ADGRA2: variants seen among roughly 807,000 people sequenced by gnomAD.
The protein encoded by ADGRA2 is adhesion G protein-coupled receptor A2.
A neutral mutation model predicts 98.7 loss-of-function variants in ADGRA2; 61 were observed. That is an observed-to-expected ratio of 0.62 (90% CI 0.50 to 0.76). ADGRA2 has a LOEUF of 0.76. Among genes scored for constraint, ADGRA2 ranks in the 30% least tolerant of loss-of-function variants. ADGRA2 has a pLI of 0.00. For missense variants in ADGRA2, 1,712 were observed against 1,860.0 expected, an observed-to-expected ratio of 0.92 and a Z score of 1.46; for synonymous variants, 858 against 831.5, an observed-to-expected ratio of 1.03 and a Z score of -0.55.
At chr8:37,820,548 C>T (rs984697902) in intron 2 of ADGRA2, among the ~76,000 whole-genome samples, 1 of 152,260 alleles carries the variant, frequency 6.6e-6, no homozygotes, top group African/African-American at 2.4e-5. Flanking sequence ...TCAGGAAACA[C>T]TGATCCCTCT....
Position 37,841,343 on chromosome 8 carries a change from C to T in ADGRA2, c.3005C>T (p.Thr1002Met), listed in dbSNP as rs1359693648. 6 of 1,605,492 alleles carry T rather than the reference C, an allele frequency of 3.7e-6. No homozygotes were observed. The highest frequency in any genetic ancestry group is 4.5e-5 in the East Asian group (2 of 44,574). Residue 1002 changes from threonine to methionine, a missense_variant, in exon 19 of 19, where the codon ACG becomes ATG. Transcript: ENST00000412232. The surrounding 1 kb of genome is among the most constrained non-coding windows in gnomAD (Gnocchi z 5.0). Reference protein sequence around the residue: ...LLATGSARVGTPGPPEDGDSL... With the variant: ...LLATGSARVGMPGPPEDGDSL... ...GCTACTGGGAGCGCGCGAGTGGGGACGCCCGGGCCCCCGGAGGATGGTGAC... is the reference window on the plus strand; with the variant it reads ...GCTACTGGGAGCGCGCGAGTGGGGATGCCCGGGCCCCCGGAGGATGGTGAC...
intron 2 of ADGRA2, among the ~76,000 whole-genome samples, chr8:37,821,032 T>A (rs778305034): frequency 6.6e-6 from 1 of 151,290 alleles, no homozygotes; most frequent in Admixed American, 6.6e-5. Flanking sequence ...GCCCAGGGAG[T>A]GTACAGAAGA....
Position 37,842,604 on chromosome 8 carries a change from G to A in ADGRA2, c.*249G>A. 3.8e-6 allele frequency: 2 copies of A among 521,128 alleles called. No individual in the cohort carries two copies. The highest frequency in any genetic ancestry group is 6.0e-6 in the Non-Finnish European group (2 of 331,752). 32.3% of individuals were successfully genotyped at this position (521,128 alleles called of 1,614,324 possible). On this transcript the variant is annotated 3_prime_UTR_variant, in exon 19 of 19. Coordinates refer to ENST00000412232, the MANE Select transcript of ADGRA2 (RefSeq NM_032777.10). The stretch of plus-strand genomic sequence containing the variant: ...AGTCTGACTGTCGGTGCCCTCCCAG[G>A]AACGGGGAAGGCCTCCGTCTGTGTG...
rs1563337972 is a variant in ADGRA2, at chr8:37,806,513, C to CTTTTTCT, written c.267-8378_267-8377insCTTTTTT. ...GCATTTTCTTTTTCTTTTTCTTTTTCTTTTTTCTTTTTCTTTTTTTTTTTT... is the reference window on the plus strand; with the variant it reads ...GCATTTTCTTTTTCTTTTTCTTTTTCTTTTTCTTTTTTTCTTTTTCTTTTTTTTTTTT... On this transcript the variant is annotated intron_variant, in intron 1 of 18. Transcript: ENST00000412232. Among the ~76,000 whole-genome samples the CTTTTTCT allele has an allele frequency of 2.7e-4, 28 of 103,226 alleles. 1 individual carries two copies. Among genetic ancestry groups the CTTTTTCT allele is most frequent in the African/African-American group, 1.3e-3 (27 of 20,090 alleles). 67.7% of individuals were successfully genotyped at this position (103,226 alleles called of 152,430 possible).
intron 13 of ADGRA2, among the ~76,000 whole-genome samples, chr8:37,836,915 C>T (rs1805630805): frequency 6.6e-6 from 1 of 152,216 alleles, no homozygotes; most frequent in African/African-American, 2.4e-5. Flanking sequence ...GGGACACTCA[C>T]TGAGTATCTG....
intron 2 of ADGRA2, among the ~76,000 whole-genome samples, chr8:37,827,812 A>G (rs1383160806): frequency 6.7e-6 from 1 of 148,152 alleles, no homozygotes; most frequent in African/African-American, 2.7e-5. Flanking sequence ...TCAGACAGAG[A>G]GGGGCACAGG....
At chr8:37,813,697 C>T (rs1193638364) in intron 1 of ADGRA2, among the ~76,000 whole-genome samples, 1 of 152,152 alleles carries the variant, frequency 6.6e-6, no homozygotes, top group Admixed American at 6.5e-5. Context: ...CTCCACCCCT[C>T]GCCCTAGAAA....
rs760019897 is a variant in ADGRA2 at position 37,841,618 on chromosome 8, G to T, written c.3280G>T (p.Ala1094Ser). The T allele has an allele frequency of 1.1e-5, 17 of 1,542,916 alleles. No homozygotes were observed. The Admixed American group carries it at 1.8e-4, about 16-fold the overall frequency. ...CCCTGCCTCTCCCGCGGCCCCCCAT[G>T]CCCCGCCCCGGGCCCTGCCCGCCGC... ...CPPASPAAPH[A>S]PPRALPAAAE... Residue 1094 changes from alanine (A) to serine (S), a missense_variant, in exon 19 of 19, where the codon GCC becomes TCC. Physicochemically the swap from Ala to Ser is moderately conservative, Grantham distance 99. Transcript: ENST00000412232. The surrounding 1 kb of genome is among the most constrained non-coding windows in gnomAD (Gnocchi z 5.0).
chr8:37,808,691 C>A (rs1048133586), intron 1 of ADGRA2, among the ~76,000 whole-genome samples: 2 of 152,060 alleles, frequency 1.3e-5, no homozygotes. Flanking sequence ...GTGGCTCATC[C>A]CTATAATCCC....
At chr8:37,818,586 T>C (rs1199245732) in intron 2 of ADGRA2, among the ~76,000 whole-genome samples, 1 of 152,238 alleles carries the variant, frequency 6.6e-6, no homozygotes, top group East Asian at 1.9e-4. Context: ...GAGTCCCAGC[T>C]CCTGCTCTGT....
chr8:37,814,122 C>T lies in ADGRA2; in HGVS notation c.267-774C>T, dbSNP rs1285547805. On this transcript the variant is annotated intron_variant, in intron 1 of 18. Transcript: ENST00000412232. This position sits in a 1 kb window ranked among gnomAD's most constrained non-coding sequence, Gnocchi z 4.3. ...AGCCCTTTGGCTGGCCTGGATCTCC[C>T]TCCTCCCAGCAGGGAGCTTGGCAGA... 1.3e-5 allele frequency among the ~76,000 whole-genome samples: 2 copies of T among 152,210 alleles called. No individual in the cohort carries two copies. The highest frequency in any genetic ancestry group is 1.3e-4 in the Admixed American group (2 of 15,280).
rs1329802522 is a variant in ADGRA2 at position 37,830,014 on chromosome 8, G to A, written c.718G>A (p.Glu240Lys). 6 of 1,539,916 alleles carry A rather than the reference G, an allele frequency of 3.9e-6. No individual in the cohort carries two copies. The highest frequency in any genetic ancestry group is 1.4e-5 in the African/African-American group (1 of 73,404). Residue 240 changes from glutamate to lysine, a missense_variant and splice_region_variant, in exon 6 of 19, where the codon GAG becomes AAG. Glu to Lys is a moderately conservative substitution (Grantham distance 56). Transcript: ENST00000412232. This position sits in a 1 kb window ranked among gnomAD's most constrained non-coding sequence, Gnocchi z 4.8. ...CCTCCAGGAGGCCCAGCTCTGCTGCGGTGAGCAAGTCCCCCCAGCTACACA... is the reference window on the plus strand; with the variant it reads ...CCTCCAGGAGGCCCAGCTCTGCTGCAGTGAGCAAGTCCCCCCAGCTACACA... ...GSLQEAQLCC[E>K]GALELHTHHL...
intron 2 of ADGRA2, among the ~76,000 whole-genome samples, chr8:37,816,486 G>A (rs1037285900): frequency 9.6e-5 from 14 of 146,258 alleles, no homozygotes; most frequent in Non-Finnish European, 1.5e-4. Flanking sequence ...CCAGCTACTC[G>A]GGGGCTGAGG....
At chr8:37,829,684 T>G in intron 5 of ADGRA2, 125 bp downstream of exon 5, 1 of 961,022 alleles carries the variant, frequency 1.0e-6, no homozygotes, top group African/African-American at 1.6e-5. Flanking sequence ...GTGCCTGAAA[T>G]GCCCCCATGA....
In ADGRA2 at chr8:37,840,864, C is replaced by G. The variant is rs1392003410; in HGVS notation, c.2747+15C>G. 1 of 1,426,800 alleles carries G rather than the reference C, an allele frequency of 7.0e-7. No homozygotes were observed. The highest frequency in any genetic ancestry group is 1.7e-5 in the Admixed American group (1 of 58,964). 88.4% of individuals were successfully genotyped at this position (1,426,800 alleles called of 1,614,324 possible). On this transcript the variant is annotated intron_variant, in intron 18 of 18. Transcript: ENST00000412232. ...CACAGCCCCTAGTGAGCACCCCTCC[C>G]TCCCGCCCCAAGCCTACCTACCTAA...
chr8:37,826,136 A>G (rs906770866), intron 2 of ADGRA2, among the ~76,000 whole-genome samples: 4 of 151,980 alleles, frequency 2.6e-5, no homozygotes, highest in African/African-American at 9.7e-5. Flanking sequence ...GCGGGGAGGG[A>G]AGGGGGGCTG....
chr8:37,835,883 C>T (rs989672465), intron 13 of ADGRA2, 113 bp downstream of exon 13: 21 of 685,626 alleles, frequency 3.1e-5, no homozygotes, highest in African/African-American at 2.8e-4. Context: ...GTGGAACTGA[C>T]ACAGGATGTT....
In ADGRA2 at chr8:37,841,267, A is replaced by G; in HGVS notation, c.2929A>G (p.Thr977Ala). The part of the protein sequence containing the change: ...LEAGEELRGS[T>A]RLRGSGPLLS... Reference sequence around the variant, plus strand: ...GGCAGGGGAGGAGCTGAGGGGTTCCACCAGGCTCAGGGGCAGCGGCCCCCT... The same window carrying G: ...GGCAGGGGAGGAGCTGAGGGGTTCCGCCAGGCTCAGGGGCAGCGGCCCCCT... The change falls in exon 19 of 19, where the codon ACC becomes GCC. Residue 977 changes from threonine to alanine, a missense_variant. Transcript: ENST00000412232. The surrounding 1 kb of genome is among the most constrained non-coding windows in gnomAD (Gnocchi z 5.0). 1 of 1,612,758 alleles carries G rather than the reference A, an allele frequency of 6.2e-7. No homozygotes were observed. Among genetic ancestry groups the G allele is most frequent in the African/African-American group, 1.3e-5 (1 of 75,040 alleles).
intron 1 of ADGRA2, among the ~76,000 whole-genome samples, chr8:37,813,084 C>T (rs1804884409): frequency 6.6e-6 from 1 of 152,078 alleles, no homozygotes; most frequent in South Asian, 2.1e-4. Context: ...GAGCCTGTCA[C>T]CTGCCAGGCA....
Sources: gnomAD v4.1 joint callset for allele counts (sites outside exome capture counted in the v4.1 genomes callset) on GRCh38, gnomAD v4.1.1 for gene constraint, Gnocchi (gnomAD v3.1) non-coding constraint, MANE v1.5 for transcripts, NCBI Gene and HGNC (gene_info 2026-07-23, HGNC 2026-07-21) for gene names.